RTN4: variants seen among roughly 807,000 people sequenced by gnomAD.
RTN4 encodes the protein reticulon-4.
A neutral mutation model predicts 90.4 loss-of-function variants in RTN4; 32 were observed. The ratio of observed to expected loss-of-function variants is 0.35; its 90% CI spans 0.27 to 0.48. The LOEUF is 0.48. RTN4 is among the 20% of genes least tolerant of loss of function. The pLI, the probability that RTN4 is intolerant of heterozygous loss-of-function variation, is 0.99. For missense variants in RTN4, 1,706 were observed against 1,430.2 expected, an observed-to-expected ratio of 1.19 and a Z score of -3.11; for synonymous variants, 629 against 552.5, an observed-to-expected ratio of 1.14 and a Z score of -1.94.
chr2:55,036,395 A>G (rs1260987074), intron 1 of RTN4, among the ~76,000 whole-genome samples: 2 of 152,040 alleles, frequency 1.3e-5, no homozygotes, highest in African/African-American at 4.8e-5. Flanking sequence ...TGAGGCCAAG[A>G]GTTTGAGACC....
chr2:54,988,045 G>A (rs1056127526), intron 3 of RTN4, among the ~76,000 whole-genome samples: 6 of 152,284 alleles, frequency 3.9e-5, no homozygotes, highest in East Asian at 1.9e-4. Flanking sequence ...GGCTGGGTGC[G>A]GTGGTTCATG....
chr2:55,081,239 A>C (rs538027277), intron 1 of RTN4, among the ~76,000 whole-genome samples: 1 of 151,980 alleles, frequency 6.6e-6, no homozygotes, highest in East Asian at 1.9e-4. Context: ...ATGCCCTGCT[A>C]ATTTGTTTTT....
chr2:54,991,133 C>G (rs1678983090), intron 3 of RTN4, among the ~76,000 whole-genome samples: 1 of 152,136 alleles, frequency 6.6e-6, no homozygotes, highest in Admixed American at 6.5e-5. Context: ...AAGTGGTTCT[C>G]AAACTGCTCA....
chr2:55,040,706 T>A (rs1465638760), intron 1 of RTN4, among the ~76,000 whole-genome samples: 2 of 152,116 alleles, frequency 1.3e-5, no homozygotes, highest in African/African-American at 4.8e-5. Flanking sequence ...AGGGCCTGTA[T>A]TTTTTCCTTC....
intron 1 of RTN4, among the ~76,000 whole-genome samples, chr2:55,047,927 C>T (rs765535658): frequency 1.3e-5 from 2 of 152,148 alleles, no homozygotes; most frequent in African/African-American, 2.4e-5. Context: ...AGTCATGCCT[C>T]GCTGAACAGG....
chr2:54,983,650 C>G (rs558291785), intron 4 of RTN4, among the ~76,000 whole-genome samples: 5 of 152,322 alleles, frequency 3.3e-5, no homozygotes, highest in Admixed American at 3.3e-4. Context: ...TAAGCACTTA[C>G]TATTTACGAG....
intron 5 of RTN4, among the ~76,000 whole-genome samples, chr2:54,975,464 C>A (rs777860845): frequency 2.0e-4 from 31 of 152,198 alleles, no homozygotes; most frequent in Non-Finnish European, 4.0e-4. Flanking sequence ...AGTAGTAGAG[C>A]ACCCCCATTA....
chr2:55,135,690 T>C, the RTN4 span, among the ~76,000 whole-genome samples: 1 of 152,120 alleles, frequency 6.6e-6, no homozygotes, highest in Non-Finnish European at 1.5e-5. Flanking sequence ...ATAATGAACA[T>C]CTCCGTCAAC....
chr2:55,135,049 T>A, the RTN4 span, among the ~76,000 whole-genome samples: 1 of 152,132 alleles, frequency 6.6e-6, no homozygotes, highest in South Asian at 2.1e-4. Flanking sequence ...AAGGATCACT[T>A]GAGGCCTAGA....
At chr2:54,992,763 TTCTCAC>T (rs1164752023) in intron 3 of RTN4, among the ~76,000 whole-genome samples, 3 of 152,082 alleles carry the variant, frequency 2.0e-5, no homozygotes, top group African/African-American at 7.2e-5. Context: ...TCACAGTATA[TTCTCAC>T]TTAAGAAATT....
At chr2:55,059,494 C>T (rs1230688211) in intron 2 of RTN4, among the ~76,000 whole-genome samples, 1 of 152,036 alleles carries the variant, frequency 6.6e-6, no homozygotes. Flanking sequence ...GATGGGACTA[C>T]AAGTACGCAC....
upstream of RTN4, among the ~76,000 whole-genome samples, chr2:55,113,017 G>A (rs1668065379): frequency 6.6e-6 from 1 of 152,210 alleles, no homozygotes; most frequent in South Asian, 2.1e-4. Flanking sequence ...GAGCAACTGG[G>A]AGCTCAGTGG....
At chr2:55,127,873 A>C in the RTN4 span, among the ~76,000 whole-genome samples, 4 of 151,522 alleles carry the variant, frequency 2.6e-5, no homozygotes, top group Non-Finnish European at 5.9e-5. Flanking sequence ...GTAATGATAA[A>C]TGCTTTTGTG....
intron 6 of RTN4, among the ~76,000 whole-genome samples, chr2:54,974,433 C>G (rs1442436561): frequency 6.6e-6 from 1 of 152,180 alleles, no homozygotes; most frequent in East Asian, 1.9e-4. Context: ...GCGTGCGCCA[C>G]CACGCCCAGC....
chr2:55,024,856 T>A (rs1681699915), intron 3 of RTN4, among the ~76,000 whole-genome samples: 1 of 152,172 alleles, frequency 6.6e-6, no homozygotes, highest in Non-Finnish European at 1.5e-5. Flanking sequence ...CTATTAATAG[T>A]TCCATAGTGC....
intron 1 of RTN4, among the ~76,000 whole-genome samples, chr2:55,032,791 G>A (rs542107184): frequency 7.0e-4 from 106 of 152,188 alleles, no homozygotes; most frequent in African/African-American, 2.3e-3. Context: ...ACTTTAGGAG[G>A]CCAAAGTGGG....
At chr2:55,131,012 C>T in the RTN4 span, among the ~76,000 whole-genome samples, 1,303 of 152,188 alleles carry the variant, frequency 8.6e-3, 27 homozygotes, top group African/African-American at 0.03. Context: ...CTTCAGTGTA[C>T]AAAGGAAAAA....
intron 2 of RTN4, among the ~76,000 whole-genome samples, chr2:55,058,861 T>C (rs1454545668): frequency 7.8e-6 from 1 of 128,846 alleles, no homozygotes; most frequent in Non-Finnish European, 1.7e-5. Flanking sequence ...CTTTCTTTTT[T>C]GATAATTTTT....
Position 55,027,347 on chromosome 2 carries a change from T to G in RTN4, c.752A>C (p.Tyr251Ser). The change falls in exon 3 of 9, where the codon TAC becomes TCC. Residue 251 changes from tyrosine to serine, a missense_variant. Transcript: ENST00000337526. The stretch of plus-strand genomic sequence containing the variant: ...TAATACTGTTGACAAATTACCAAGG[T>G]ATTCATGTTCTTTGAAAGAAGCGGC... ...LSAASFKEHE[Y>S]LGNLSTVLPT... 1 of 1,613,666 alleles carries G rather than the reference T, an allele frequency of 6.2e-7. No individual in the cohort carries two copies.
Sources: gnomAD v4.1 joint callset for allele counts (sites outside exome capture counted in the v4.1 genomes callset) on GRCh38, gnomAD v4.1.1 for gene constraint, MANE v1.5 for transcripts, NCBI Gene and HGNC (gene_info 2026-07-23, HGNC 2026-07-21) for gene names.